Variants in IZUMO2 observed in about 807,000 individuals in gnomAD.
The protein encoded by IZUMO2 is IZUMO family member 2.
In IZUMO2, 24 loss-of-function variants were observed where a neutral mutation model predicts 31.2. That is an observed-to-expected ratio of 0.77 (90% CI 0.56 to 1.08). The LOEUF (loss-of-function observed/expected upper bound fraction) is 1.08. Among genes scored for constraint, IZUMO2 ranks in the 50% least tolerant of loss-of-function variants. The pLI is 0.00. For missense variants in IZUMO2, 278 were observed against 274.0 expected (o/e 1.01, Z -0.10); for synonymous variants, 144 against 117.3 (o/e 1.23, Z -1.47).
chr19:50,153,247 G>A (rs953143821), intron 6 of IZUMO2, among the ~76,000 whole-genome samples: 1 of 152,170 alleles, frequency 6.6e-6, no homozygotes, highest in Non-Finnish European at 1.5e-5. Context: ...TAGGACACAG[G>A]CATGGGGTGG....
intron 6 of IZUMO2, among the ~76,000 whole-genome samples, chr19:50,154,243 C>T (rs983025140): frequency 1.4e-5 from 2 of 139,224 alleles, no homozygotes; most frequent in Non-Finnish European, 3.0e-5. Flanking sequence ...ACCAATGCAT[C>T]CACCAAATAT....
At position 50,159,146 on chromosome 19, in the gene IZUMO2, G is replaced by A. The variant is rs180971367; in HGVS notation, c.415+84C>T. 50 of 1,371,316 alleles carry A rather than the reference G, an allele frequency of 3.6e-5. No individual in the cohort carries two copies. In the Admixed American group the frequency reaches 7.3e-4, roughly 20 times the overall value. The allele number at this position is 1,371,316 out of a possible 1,614,324, so 84.9% of individuals were successfully genotyped here. A position where few individuals can be genotyped will look rare whatever the true frequency, so the allele number is the denominator to read the frequency against. ...AGGGAACTGCCAAATGGAGTAAGGA[G>A]TGGTAGCCAGGCTTGATTTGGGGAG... On this transcript the variant is annotated intron_variant, in intron 4 of 6. Coordinates refer to ENST00000293405, the MANE Select transcript of IZUMO2 (RefSeq NM_152358.3).
chr19:50,159,123 G>A, intron 4 of IZUMO2, 107 bp downstream of exon 4: 1 of 1,116,358 alleles, frequency 9.0e-7, no homozygotes, highest in South Asian at 1.3e-5. Flanking sequence ...TTGGGGTAAG[G>A]GAACTGCCAA....
In IZUMO2 at chr19:50,154,698, C is replaced by T. The variant is rs747254545; in HGVS notation, c.525G>A (p.Gln175=). 6.2e-7 allele frequency: 1 copy of T among 1,614,034 alleles called. No homozygotes were observed. Among genetic ancestry groups the T allele is most frequent in the Admixed American group, 1.7e-5 (1 of 60,012 alleles). The part of the protein sequence containing the change: ...FVDRQPRVAL[Q]YQMDSKYPRN... ...TCGGGTATTTGCTGTCCATCTGGTA[C>T]TGCAGGGCCACGCGGGGTTGCCGGT... Residue 175 remains glutamine (Q), a synonymous_variant, in exon 6 of 7, where the codon CAG becomes CAA. Coordinates refer to ENST00000293405, the MANE Select transcript of IZUMO2 (RefSeq NM_152358.3).
chr19:50,154,793 C>A lies in IZUMO2; in HGVS notation c.497-67G>T, dbSNP rs529956399. On this transcript the variant is annotated intron_variant, in intron 5 of 6. Transcript: ENST00000293405. ...CCCCTCCTTAGCCCCATACCCACCC[C>A]ACCTGTTCATTCAGCAGCCTGGGGC... 2.5e-6 allele frequency: 4 copies of A among 1,573,214 alleles called. No individual in the cohort carries two copies. The East Asian group carries it at 6.8e-5, about 27-fold the overall frequency.
At chr19:50,154,264 GTTTTTTTTTTTTT>G (rs71180675) in intron 6 of IZUMO2, among the ~76,000 whole-genome samples, 7 of 79,280 alleles carry the variant, frequency 8.8e-5, no homozygotes, top group Admixed American at 6.9e-4. Flanking sequence ...AACTTTTAGC[GTTTTTTTTTTTTT>G]TTTTTTTTTT....
rs2030328457 is a variant in IZUMO2 at position 50,159,558 on chromosome 19, C to T, written c.330G>A (p.Leu110=). 2.5e-6 allele frequency: 4 copies of T among 1,613,038 alleles called. No individual in the cohort carries two copies. Among genetic ancestry groups the T allele is most frequent in the Admixed American group, 3.3e-5 (2 of 59,988 alleles). The change falls in exon 3 of 7, where the codon CTG becomes CTA. Residue 110 remains leucine, a synonymous_variant. Transcript: ENST00000293405. ...TGATCACATTCGCCCTGAGGGTCAC[C>T]AGCTCTTCCAGCAGAGGCTCATCTG... is the stretch of plus-strand genomic sequence containing the variant. ...SLKDEPLLEE[L]VTLRANVIKE...
At position 50,154,728 on chromosome 19, in the gene IZUMO2, T is replaced by G; in HGVS notation, c.497-2A>C. On this transcript the variant is annotated splice_acceptor_variant, in intron 5 of 6. Transcript: ENST00000293405. LOFTEE classifies it high-confidence loss of function. ...GGGCCACGCGGGGTTGCCGGTCGAC[T>G]GGGGCGGGTGGGGAAACAGCCCCGA... 6.2e-7 allele frequency: 1 copy of G among 1,611,792 alleles called. No homozygotes were observed. The highest frequency in any genetic ancestry group is 8.5e-7 in the Non-Finnish European group (1 of 1,179,012).
At chr19:50,161,109 TTTTTC>T (rs1395305452) in intron 2 of IZUMO2, among the ~76,000 whole-genome samples, 1 of 151,058 alleles carries the variant, frequency 6.6e-6, no homozygotes, top group Non-Finnish European at 1.5e-5. Flanking sequence ...CTTTGACGCC[TTTTTC>T]TTTTCCTTTT....
At chr19:50,162,712 G>C (rs763642082) in intron 2 of IZUMO2, 27 bp downstream of exon 2, 1 of 1,586,576 alleles carries the variant, frequency 6.3e-7, no homozygotes, top group Non-Finnish European at 8.7e-7. Flanking sequence ...AGGGGTGCTG[G>C]AGAAGGCGTT....
intron 2 of IZUMO2, among the ~76,000 whole-genome samples, chr19:50,162,480 T>C (rs925791464): frequency 1.3e-5 from 2 of 151,984 alleles, no homozygotes; most frequent in Non-Finnish European, 2.9e-5. Flanking sequence ...CCAGGTGTGG[T>C]GGCACATGCC....
chr19:50,154,760 C>G, intron 5 of IZUMO2, 34 bp from the exon 6 acceptor site: 1 of 1,609,478 alleles, frequency 6.2e-7, no homozygotes, highest in Non-Finnish European at 8.5e-7. Flanking sequence ...CCGACCTCCA[C>G]GTCACCACCC....
chr19:50,156,990 AC>A (rs2030231817), intron 5 of IZUMO2, among the ~76,000 whole-genome samples: 1 of 152,176 alleles, frequency 6.6e-6, no homozygotes, highest in South Asian at 2.1e-4. Flanking sequence ...CATTGTGGCT[AC>A]TTAGGAAAAT....
In IZUMO2 at chr19:50,163,196, G is replaced by A. The variant is rs370133339; in HGVS notation, c.-2C>T. 2.2e-5 allele frequency: 34 copies of A among 1,546,762 alleles called. 1 individual carries two copies. The African/African-American group carries it at 2.6e-4, about 12-fold the overall frequency. ...CAGAAGGGTCAAAGCCAGAGGCATG[G>A]CGGGGCCTTTGTGACGTCACAGAGA... is the stretch of plus-strand genomic sequence containing the variant. On this transcript the variant is annotated 5_prime_UTR_variant, in exon 1 of 7. Transcript: ENST00000293405.
In IZUMO2 at chr19:50,163,180, C is replaced by T. The variant is rs1407195774; in HGVS notation, c.15G>A (p.Leu5=). The T allele has an allele frequency of 1.9e-6, 3 of 1,551,804 alleles. No individual in the cohort carries two copies. The highest frequency in any genetic ancestry group is 1.4e-5 in the African/African-American group (1 of 72,998). The change falls in exon 1 of 7, where the codon TTG becomes TTA. Residue 5 remains leucine (L), a synonymous_variant. Transcript: ENST00000293405. MPLA[L]TLLLLSGLGA... ...CCAAGCCCGAGAGCAGCAGAAGGGT[C>T]AAAGCCAGAGGCATGGCGGGGCCTT...
At chr19:50,157,687 A>AG (rs11412798) in intron 5 of IZUMO2, among the ~76,000 whole-genome samples, 150,256 of 150,260 alleles carry the variant, frequency 1, 75,126 homozygotes, top group Middle Eastern at 1. Context: ...GCACTTTGGG[A>AG]GCCGAGTGGA....
intron 5 of IZUMO2, among the ~76,000 whole-genome samples, chr19:50,157,886 C>T (rs576206020): frequency 4.1e-4 from 61 of 149,072 alleles, no homozygotes; most frequent in Admixed American, 1.0e-3. Context: ...TGCCATTGTA[C>T]TCCAGCCTGG....
chr19:50,155,821 A>G (rs75392957), intron 5 of IZUMO2, among the ~76,000 whole-genome samples: 7 of 152,180 alleles, frequency 4.6e-5, no homozygotes, highest in South Asian at 2.1e-4. Context: ...AGTTCTCACC[A>G]TGCTCTTGCA....
In IZUMO2 at chr19:50,152,645, A is replaced by G; in HGVS notation, c.630T>C (p.Cys210=). ...FVFVVIVVSA[C]TYRQNRKLLL... is the part of the protein sequence containing the mutation. ...GGAGTTTTCGGTTTTGTCTGTATGT[A>G]CAAGCCCTGGTCAGAGAGAAAAAGC... Residue 210 remains cysteine, a synonymous_variant, in exon 7 of 7, where the codon TGT becomes TGC. Coordinates refer to ENST00000293405, the MANE Select transcript of IZUMO2 (RefSeq NM_152358.3). The G allele has an allele frequency of 1.2e-6, 2 of 1,613,286 alleles. No individual in the cohort carries two copies. Among genetic ancestry groups the G allele is most frequent in the Non-Finnish European group, 1.7e-6 (2 of 1,179,230 alleles).
Sources: gnomAD v4.1 joint callset for allele counts (sites outside exome capture counted in the v4.1 genomes callset) on GRCh38, gnomAD v4.1.1 for gene constraint, MANE v1.5 for transcripts, NCBI Gene and HGNC (gene_info 2026-07-23, HGNC 2026-07-21) for gene names.